Variants in STOX2 observed in about 807,000 individuals in gnomAD.
The protein encoded by STOX2 is storkhead-box protein 2.
A neutral mutation model predicts 60.9 loss-of-function variants in STOX2; 28 were observed. The observed-to-expected ratio is 0.46, with a 90% confidence interval of 0.34 to 0.63. The LOEUF is 0.63. STOX2 is among the 30% of genes least tolerant of loss of function. The pLI, the probability that STOX2 is intolerant of heterozygous loss-of-function variation, is 0.01. For missense variants in STOX2, 1,024 were observed against 1,187.7 expected (o/e 0.86, Z 2.03); for synonymous variants, 472 against 463.9 (o/e 1.02, Z -0.22).
intron 1 of STOX2, among the ~76,000 whole-genome samples, chr4:183,964,231 G>A (rs895034657): frequency 2.0e-5 from 3 of 152,314 alleles, no homozygotes; most frequent in Non-Finnish European, 2.9e-5. Flanking sequence ...CAGTTCTTCC[G>A]ATGGGGTGCT....
chr4:183,847,964 G>GGTATAA (rs1740025182), intron 1 of STOX2, among the ~76,000 whole-genome samples: 1 of 152,062 alleles, frequency 6.6e-6, no homozygotes, highest in African/African-American at 2.4e-5. Context: ...AAGAGAACTA[G>GGTATAA]AGAGGAGAGA....
intron 1 of STOX2, among the ~76,000 whole-genome samples, chr4:183,893,392 T>G (rs1430688391): frequency 6.6e-6 from 1 of 152,144 alleles, no homozygotes; most frequent in Non-Finnish European, 1.5e-5. Flanking sequence ...CACTTGCCCC[T>G]TCCCTTTGCG....
intron 1 of STOX2, among the ~76,000 whole-genome samples, chr4:183,970,289 A>C (rs1480738274): frequency 1.3e-5 from 2 of 151,992 alleles, no homozygotes; most frequent in Non-Finnish European, 2.9e-5. Flanking sequence ...ATGTGGTATC[A>C]TTGACATCTG....
chr4:183,942,934 A>G (rs1297999346), intron 1 of STOX2, among the ~76,000 whole-genome samples: 1 of 152,180 alleles, frequency 6.6e-6, no homozygotes, highest in African/African-American at 2.4e-5. Flanking sequence ...ATCATTTCTT[A>G]TCAGTTCATC....
At chr4:183,818,154 G>A (rs1199891331) in intron 1 of STOX2, among the ~76,000 whole-genome samples, 1 of 150,384 alleles carries the variant, frequency 6.6e-6, no homozygotes, top group Non-Finnish European at 1.5e-5. Context: ...AGGGGGACTT[G>A]GCAGGGTCAT....
In STOX2 at chr4:183,906,330, G is replaced by T. The variant is rs1741600099; in HGVS notation, c.-461G>T. The T allele has an allele frequency of 6.5e-6, 1 of 152,780 alleles. No individual in the cohort carries two copies. Among genetic ancestry groups the T allele is most frequent in the Non-Finnish European group, 1.5e-5 (1 of 68,574 alleles). 9.5% of individuals were successfully genotyped at this position (152,780 alleles called of 1,614,324 possible). On this transcript the variant is annotated 5_prime_UTR_variant, in exon 1 of 4. Coordinates refer to ENST00000308497, the MANE Select transcript of STOX2 (RefSeq NM_020225.3). Reference sequence around the variant, plus strand: ...GCACGCCCGATCCCGGGTCAGCCCCGGAGGCCTCGGCTGCCTCATTTGTTT... The same window carrying T: ...GCACGCCCGATCCCGGGTCAGCCCCTGAGGCCTCGGCTGCCTCATTTGTTT...
intron 1 of STOX2, among the ~76,000 whole-genome samples, chr4:183,877,800 C>G (rs1485996377): frequency 6.6e-6 from 1 of 152,146 alleles, no homozygotes; most frequent in Non-Finnish European, 1.5e-5. Context: ...CGTGCCTCAG[C>G]CTCCCAAGTA....
intron 1 of STOX2, among the ~76,000 whole-genome samples, chr4:183,979,288 C>G (rs932402905): frequency 6.6e-6 from 1 of 152,194 alleles, no homozygotes; most frequent in Non-Finnish European, 1.5e-5. Flanking sequence ...CTCACTCACT[C>G]ACTGTCACAA....
At chr4:183,943,068 T>A (rs1333245793) in intron 1 of STOX2, among the ~76,000 whole-genome samples, 1 of 152,240 alleles carries the variant, frequency 6.6e-6, no homozygotes, top group Non-Finnish European at 1.5e-5. Flanking sequence ...TTGAGATTCC[T>A]AACTTTAAAA....
intron 1 of STOX2, among the ~76,000 whole-genome samples, chr4:183,972,995 A>C (rs1743787382): frequency 6.6e-6 from 1 of 152,188 alleles, no homozygotes; most frequent in Non-Finnish European, 1.5e-5. Flanking sequence ...AAGATAATAG[A>C]AAGAGAAGAG....
chr4:183,850,792 C>A (rs1308466297), intron 1 of STOX2, among the ~76,000 whole-genome samples: 1 of 151,030 alleles, frequency 6.6e-6, no homozygotes, highest in South Asian at 2.1e-4. Context: ...ATTCTTTCAT[C>A]ATGTGACAAA....
intron 1 of STOX2, among the ~76,000 whole-genome samples, chr4:183,874,061 G>A (rs1263298337): frequency 6.6e-6 from 1 of 152,194 alleles, no homozygotes. Context: ...GCTCCCATAA[G>A]TAAGTGGCGA....
At chr4:183,818,080 TC>T (rs1302762425) in intron 1 of STOX2, among the ~76,000 whole-genome samples, 4 of 150,898 alleles carry the variant, frequency 2.7e-5, no homozygotes, top group African/African-American at 9.9e-5. Flanking sequence ...TTTCTTTTTT[TC>T]TTTTCTTTTT....
intron 1 of STOX2, among the ~76,000 whole-genome samples, chr4:183,824,413 T>C (rs1739375305): frequency 6.6e-6 from 1 of 152,196 alleles, no homozygotes; most frequent in African/African-American, 2.4e-5. Flanking sequence ...AAATTTCTGT[T>C]ACATCTGATT....
At chr4:183,985,858 G>A (rs1355751627) in intron 1 of STOX2, among the ~76,000 whole-genome samples, 1 of 152,190 alleles carries the variant, frequency 6.6e-6, no homozygotes, top group African/African-American at 2.4e-5. Context: ...TAAGGTGCGT[G>A]TGCTTATTAG....
intron 1 of STOX2, among the ~76,000 whole-genome samples, chr4:183,920,735 C>G (rs1310914564): frequency 2.0e-5 from 3 of 152,086 alleles, no homozygotes; most frequent in Non-Finnish European, 4.4e-5. Context: ...TTTTTAGCAC[C>G]TTAGAGTGGG....
At chr4:183,937,601 C>T (rs1172001527) in intron 1 of STOX2, among the ~76,000 whole-genome samples, 37 of 152,154 alleles carry the variant, frequency 2.4e-4, no homozygotes, top group Admixed American at 2.4e-3. Flanking sequence ...TCACCAACAT[C>T]CAAGCTCATG....
At chr4:183,914,433 G>A (rs10023499) in intron 1 of STOX2, among the ~76,000 whole-genome samples, 1,970 of 152,206 alleles carry the variant, frequency 0.013, 35 homozygotes, top group African/African-American at 0.044. Flanking sequence ...AGGAGACCTT[G>A]TCTCAAAAAT....
intron 1 of STOX2, among the ~76,000 whole-genome samples, chr4:183,859,208 C>G (rs1050860597): frequency 2.0e-5 from 3 of 152,200 alleles, no homozygotes; most frequent in South Asian, 2.1e-4. Context: ...GGCCCATTCT[C>G]TCTCTCCCTC....
Sources: allele counts gnomAD v4.1 joint callset (sites outside exome capture counted in the v4.1 genomes callset), GRCh38; gene constraint gnomAD v4.1.1; transcripts MANE v1.5; gene names NCBI Gene and HGNC (gene_info 2026-07-23, HGNC 2026-07-21).